The following DGKQ variants were observed in gnomAD, a reference collection of about 807,000 sequenced individuals.
The protein encoded by DGKQ is DAG kinase theta.
Under a neutral mutation model 104.2 loss-of-function variants are expected in DGKQ, and 97 were observed. The ratio of observed to expected loss-of-function variants is 0.93; its 90% CI spans 0.79 to 1.10. The LOEUF (loss-of-function observed/expected upper bound fraction) is 1.10, where lower values mean the gene tolerates loss of function less well. Among genes scored for constraint, DGKQ ranks in the 50% least tolerant of loss-of-function variants. The pLI is 0.00. For missense variants in DGKQ, 1,465 were observed against 1,352.1 expected, an observed-to-expected ratio of 1.08 and a Z score of -1.31; for synonymous variants, 736 against 595.2, an observed-to-expected ratio of 1.24 and a Z score of -3.44.
intron 10 of DGKQ, 64 bp from the exon 11 acceptor site, chr4:966,866 G>A (rs1027229382): frequency 6.4e-7 from 1 of 1,567,834 alleles, no homozygotes; most frequent in Middle Eastern, 1.7e-4. Context: ...CACCCGCGGG[G>A]ACAGCCACGC....
Position 971,301 on chromosome 4 carries a change from T to C in DGKQ, c.272-229A>G, listed in dbSNP as rs961275452. 1.3e-5 allele frequency among the ~76,000 whole-genome samples: 2 copies of C among 151,952 alleles called. No individual in the cohort carries two copies. Among genetic ancestry groups the C allele is most frequent in the African/African-American group, 4.8e-5 (2 of 41,340 alleles). On this transcript the variant is annotated intron_variant, in intron 1 of 22. Transcript: ENST00000273814. The surrounding 1 kb of genome is among the most constrained non-coding windows in gnomAD (Gnocchi z 4.0). ...CCTGACCATCCTGGAGGACAATGAG[T>C]GTATCCTCTCATCCAGAGAGCAGTC...
At chr4:961,241 G>A (rs1711859361) in intron 21 of DGKQ, 40 bp from the exon 22 acceptor site, 2 of 1,487,070 alleles carry the variant, frequency 1.3e-6, no homozygotes, top group Non-Finnish European at 1.8e-6. Flanking sequence ...CGGGGATCAG[G>A]GACGCCCACC....
chr4:966,395 C>T, intron 12 of DGKQ, 71 bp downstream of exon 12: 1 of 1,539,468 alleles, frequency 6.5e-7, no homozygotes. Context: ...TGGGGCACAC[C>T]CACCCTGTGG....
At position 961,534 on chromosome 4, in the gene DGKQ, C is replaced by A; in HGVS notation, c.2507G>T (p.Arg836Met). Residue 836 changes from arginine to methionine, a missense_variant, in exon 21 of 23, where the codon AGG becomes ATG. Physicochemically the swap from Arg to Met is moderately conservative, Grantham distance 91. Transcript: ENST00000273814. ...GTCGTCCATGCGTGGCTTCTCAAAC[C>A]TGGTGTCGCTGTCGGAGCCCCACAG... ...ADLWGSDSDT[R>M]FEKPRMDDGL... 1 of 1,609,522 alleles carries A rather than the reference C, an allele frequency of 6.2e-7. No homozygotes were observed. The highest frequency in any genetic ancestry group is 8.5e-7 in the Non-Finnish European group (1 of 1,178,778).
At position 973,539 on chromosome 4, in the gene DGKQ, C is replaced by G; in HGVS notation, c.-57G>C. 1.0e-6 allele frequency: 1 copy of G among 984,302 alleles called. No homozygotes were observed. Among genetic ancestry groups the G allele is most frequent in the Non-Finnish European group, 1.2e-6 (1 of 829,076 alleles). The allele number at this position is 984,302 out of a possible 1,614,324, so 61.0% of individuals were successfully genotyped here. ...TCCGCGCCGGGGGTACAGGAGCCGC[C>G]GCTCCACGGCCCGGTACACTGCTTC... On this transcript the variant is annotated 5_prime_UTR_variant, in exon 1 of 23. Transcript: ENST00000273814.
chr4:972,039 C>T (rs1205714754), intron 1 of DGKQ, among the ~76,000 whole-genome samples: 2 of 152,104 alleles, frequency 1.3e-5, no homozygotes, highest in East Asian at 3.9e-4. Flanking sequence ...CACCCAGGTC[C>T]CTCCTCTGCC....
In DGKQ at chr4:973,301, T is replaced by G; in HGVS notation, c.182A>C (p.His61Pro). 6.6e-7 allele frequency: 1 copy of G among 1,506,472 alleles called. No individual in the cohort carries two copies. The highest frequency in any genetic ancestry group is 8.9e-7 in the Non-Finnish European group (1 of 1,128,432). The allele number at this position is 1,506,472 out of a possible 1,614,324, so 93.3% of individuals were successfully genotyped here. Residue 61 changes from histidine (H) to proline (P), a missense_variant, in exon 1 of 23, where the codon CAC becomes CCC. His to Pro is a moderately conservative substitution (Grantham distance 77, BLOSUM62 -2). Transcript: ENST00000273814. ...GGTGAGCGTCACCTTCCGGAAGCTG[T>G]GTCCCGGCGCGGCAGCGGGGCCCGG... ...RAPGPAAAPG[H>P]SFRKVTLTKP...
At position 967,575 on chromosome 4, in the gene DGKQ, GGGACACC is replaced by G; in HGVS notation, c.954_960del (p.Val319AlafsTer49). 6.2e-7 allele frequency: 1 copy of G among 1,612,584 alleles called. No individual in the cohort carries two copies. Among genetic ancestry groups the G allele is most frequent in the Non-Finnish European group, 8.5e-7 (1 of 1,179,840 alleles). On this transcript the variant is annotated frameshift_variant, in exon 8 of 23. Transcript: ENST00000273814. LOFTEE classifies it high-confidence loss of function. ...AGCACCTCCTCGGCACCGGCCAGGC[GGGACACC>G]GTGACGAGGCGGAACTGGCTTCTTC...
rs533889957 is a variant in DGKQ, at chr4:965,941, G to C, written c.1566C>G (p.Ala522=). ...PEEYSSLLHE[A]GATKATVVSV... ...CAGTGGTCACACCTTTGGTAGCCCC[G>C]GCCTCATGCAGCAGGCTGCTGTACT... Residue 522 remains alanine (A), a synonymous_variant, in exon 13 of 23, where the codon GCC becomes GCG. Coordinates refer to ENST00000273814, the MANE Select transcript of DGKQ (RefSeq NM_001347.4). The C allele has an allele frequency of 1.9e-6, 3 of 1,603,538 alleles. No homozygotes were observed. The highest frequency in any genetic ancestry group is 2.2e-5 in the South Asian group (2 of 89,486).
In DGKQ at chr4:962,054, A is replaced by G. The variant is rs776814998; in HGVS notation, c.2243T>C (p.Ile748Thr). Reference protein sequence around the residue: ...KIVQMSNYCGIGIDAELSLDF... With the variant: ...KIVQMSNYCGTGIDAELSLDF... ...CAGGCTCAGCTCCGCGTCGATGCCA[A>G]TGCCACAGTAGTTACTCATCTGCAC... The change falls in exon 19 of 23, where the codon ATT becomes ACT. Residue 748 changes from isoleucine (I) to threonine (T), a missense_variant. Coordinates refer to ENST00000273814, the MANE Select transcript of DGKQ (RefSeq NM_001347.4). The G allele has an allele frequency of 1.9e-6, 3 of 1,612,690 alleles. No individual in the cohort carries two copies. Among genetic ancestry groups the G allele is most frequent in the East Asian group, 2.2e-5 (1 of 44,880 alleles).
intron 15 of DGKQ, 69 bp downstream of exon 15, chr4:965,107 C>T (rs1028857746): frequency 9.3e-6 from 12 of 1,297,082 alleles, no homozygotes; most frequent in Non-Finnish European, 1.3e-5. Flanking sequence ...GCCTGTGCAC[C>T]TGCAGACCCC....
chr4:959,302 C>T lies in DGKQ; in HGVS notation c.*1318G>A, dbSNP rs980558138. On this transcript the variant is annotated 3_prime_UTR_variant, in exon 23 of 23. Transcript: ENST00000273814. ...AGCCACTTCTGAGGTCAAAGCCACA[C>T]CCAGGAAAGCTCCGCAGGATTGGAG... is the stretch of plus-strand genomic sequence containing the variant. 1 of 152,540 alleles carries T rather than the reference C, an allele frequency of 6.6e-6. No homozygotes were observed. The highest frequency in any genetic ancestry group is 1.5e-5 in the Non-Finnish European group (1 of 68,128). The allele number at this position is 152,540 out of a possible 1,614,324, so 9.4% of individuals were successfully genotyped here.
At chr4:962,662 C>T in intron 17 of DGKQ, 49 bp from the exon 18 acceptor site, 1 of 1,592,214 alleles carries the variant, frequency 6.3e-7, no homozygotes, top group Admixed American at 1.7e-5. Context: ...ACCCGCCCAT[C>T]AGCTGGGTGC....
rs61757581 is a variant in DGKQ at position 962,576 on chromosome 4, G to A, written c.2073C>T (p.Gly691=). Reference sequence around the variant, plus strand: ...CGGAGAACGGGTCCTCGCCGCTGTAGCCCGCCCCCCAGCGGAGGACTCGAC... The same window carrying A: ...CGGAGAACGGGTCCTCGCCGCTGTAACCCGCCCCCCAGCGGAGGACTCGAC... ...DLGRVLRWGA[G]YSGEDPFSVL... Residue 691 remains glycine, a synonymous_variant, in exon 18 of 23, where the codon GGC becomes GGT. Transcript: ENST00000273814. The A allele has an allele frequency of 6.2e-7, 1 of 1,609,602 alleles. No individual in the cohort carries two copies. Among genetic ancestry groups the A allele is most frequent in the Non-Finnish European group, 8.5e-7 (1 of 1,179,900 alleles).
At chr4:965,721 G>A (rs1712261134) in intron 13 of DGKQ, among the ~76,000 whole-genome samples, 192 bp from the exon 14 acceptor site, 1 of 152,208 alleles carries the variant, frequency 6.6e-6, no homozygotes, top group African/African-American at 2.4e-5. Context: ...GAGGGAGAGG[G>A]AGAGGCAGAG....
intron 2 of DGKQ, among the ~76,000 whole-genome samples, chr4:969,612 CTT>C (rs35245784): frequency 0.035 from 4,954 of 143,216 alleles, 124 homozygotes; most frequent in East Asian, 0.12. Context: ...AATATATCTC[CTT>C]TTTTTTTTTT....
intron 9 of DGKQ, 29 bp downstream of exon 9, chr4:967,100 C>G: frequency 6.4e-7 from 1 of 1,554,000 alleles, no homozygotes; most frequent in South Asian, 1.2e-5. Context: ...CCCCGCCCAG[C>G]AGACCCTGAG....
At chr4:965,313 C>T in intron 14 of DGKQ, 22 bp from the exon 15 acceptor site, 1 of 1,606,928 alleles carries the variant, frequency 6.2e-7, no homozygotes, top group South Asian at 1.1e-5. Context: ...GCCCAGGACT[C>T]AGGGGGAGCC....
At chr4:963,346 C>A in intron 15 of DGKQ, 56 bp from the exon 16 acceptor site, 1 of 1,516,904 alleles carries the variant, frequency 6.6e-7, no homozygotes, top group South Asian at 1.2e-5. Context: ...GTCCCCACTG[C>A]TGGGGTTGCC....
Sources: gnomAD v4.1 joint callset for allele counts (sites outside exome capture counted in the v4.1 genomes callset) on GRCh38, gnomAD v4.1.1 for gene constraint, Gnocchi (gnomAD v3.1) non-coding constraint, MANE v1.5 for transcripts, NCBI Gene and HGNC (gene_info 2026-07-23, HGNC 2026-07-21) for gene names.